PALM2AKAP2: variants seen among roughly 807,000 people sequenced by gnomAD.
PALM2AKAP2 encodes PALM2-AKAP2 fusion protein.
PALM2AKAP2 carries 37 observed loss-of-function variants against 71.5 expected under a neutral mutation model. The observed-to-expected ratio is 0.52, with a 90% CI of 0.40 to 0.68. The LOEUF (loss-of-function observed/expected upper bound fraction) is 0.68, where lower values mean the gene tolerates loss of function less well. PALM2AKAP2 is among the 30% of genes least tolerant of loss of function. The pLI is 0.00. For synonymous variants in PALM2AKAP2, 468 were observed against 478.8 expected, an observed-to-expected ratio of 0.98 and a Z score of 0.29; for missense variants, 1,224 against 1,191.8, an observed-to-expected ratio of 1.03 and a Z score of -0.40.
At chr9:109,912,732 A>G (rs80096451) in intron 3 of PALM2AKAP2, among the ~76,000 whole-genome samples, 6,489 of 152,270 alleles carry the variant, frequency 0.043, 266 homozygotes, top group East Asian at 0.16. Context: ...AGACAGACAG[A>G]CAGACAGATA....
intron 1 of PALM2AKAP2, among the ~76,000 whole-genome samples, chr9:109,808,842 T>C (rs1235795245): frequency 6.6e-6 from 1 of 152,256 alleles, no homozygotes; most frequent in Non-Finnish European, 1.5e-5. Flanking sequence ...TCTTGAGACT[T>C]GGTGCCCTGT....
chr9:109,718,006 GC>G (rs1418461726), intron 1 of PALM2AKAP2, among the ~76,000 whole-genome samples: 1 of 152,156 alleles, frequency 6.6e-6, no homozygotes, highest in African/African-American at 2.4e-5. Context: ...ACTTATGTAG[GC>G]CTTTTTGACT....
rs1449724557 is a variant in PALM2AKAP2 at position 109,943,049 on chromosome 9, C to A, written c.496+11021C>A. ...CATAAGTCTAGGAAAGACCATTCTT[C>A]CGGGAACCCAGGGCAGCAGGCCCAA... On this transcript the variant is annotated intron_variant, in intron 6 of 9. Transcript: ENST00000302798. The A allele has an allele frequency of 3.1e-6, 5 of 1,614,112 alleles. No individual in the cohort carries two copies. The African/African-American group carries it at 5.3e-5, about 17-fold the overall frequency.
At chr9:109,784,947 C>A (rs1040123186) in intron 1 of PALM2AKAP2, among the ~76,000 whole-genome samples, 1 of 152,128 alleles carries the variant, frequency 6.6e-6, no homozygotes, top group African/African-American at 2.4e-5. Context: ...ATAGAAATAC[C>A]CAACATAAAA....
At chr9:109,938,646 C>G (rs1428472220) in intron 6 of PALM2AKAP2, among the ~76,000 whole-genome samples, 1 of 152,148 alleles carries the variant, frequency 6.6e-6, no homozygotes, top group Non-Finnish European at 1.5e-5. Flanking sequence ...AGAGCCATAT[C>G]ACATTTAAAG....
intron 1 of PALM2AKAP2, among the ~76,000 whole-genome samples, chr9:109,682,777 C>A (rs1827755403): frequency 1.3e-5 from 2 of 152,198 alleles, no homozygotes; most frequent in Admixed American, 6.5e-5. Flanking sequence ...AGCATCCTTT[C>A]CTCTCCTTTG....
At chr9:110,163,888 T>C (rs1440338519) in intron 3 of PALM2AKAP2, among the ~76,000 whole-genome samples, 2 of 152,230 alleles carry the variant, frequency 1.3e-5, no homozygotes, top group Non-Finnish European at 2.9e-5. Flanking sequence ...AACCTGTCTC[T>C]ATATTTAGGA....
rs1439018352 is a variant in PALM2AKAP2 at position 110,025,134 on chromosome 9, T to G, written c.582+9095T>G. 7 of 1,305,224 alleles carry G rather than the reference T, an allele frequency of 5.4e-6. No homozygotes were observed. The African/African-American group carries it at 5.8e-5, about 11-fold the overall frequency. The allele number at this position is 1,305,224 out of a possible 1,614,324, so 80.9% of individuals were successfully genotyped here. On this transcript the variant is annotated intron_variant, in intron 7 of 9. Transcript: ENST00000302798. ...GAATCTTGCCCTTAACTTGTTTGTT[T>G]ACAATACCAACAGCATGCTGGGTAA...
At position 109,692,674 on chromosome 9, in the gene PALM2AKAP2, T is replaced by C. The variant is rs149179982; in HGVS notation, c.5+51808T>C. On this transcript the variant is annotated intron_variant, in intron 1 of 6. Transcript: ENST00000374531. ...ATTTAATTTTGTCAAATGGTTTTTC[T>C]GCACCTGTTGGTATTACTATATGGT... Among the ~76,000 whole-genome samples the C allele has an allele frequency of 5.9e-5, 9 of 152,172 alleles. 1 individual carries two copies. In the East Asian group the frequency reaches 1.3e-3, roughly 23 times the overall value.
chr9:110,065,853 T>C (rs1834067990), intron 1 of PALM2AKAP2, among the ~76,000 whole-genome samples: 2 of 152,170 alleles, frequency 1.3e-5, no homozygotes, highest in Non-Finnish European at 2.9e-5. Context: ...ATGTCCTCAA[T>C]GTTTATCCAT....
intron 1 of PALM2AKAP2, among the ~76,000 whole-genome samples, chr9:109,796,040 C>T (rs1817995207): frequency 6.6e-6 from 1 of 152,236 alleles, no homozygotes; most frequent in Non-Finnish European, 1.5e-5. Context: ...CCATTATCTA[C>T]TCTCCGCCTG....
At position 109,939,315 on chromosome 9, in the gene PALM2AKAP2, G is replaced by A. The variant is rs1333745608; in HGVS notation, c.496+7287G>A. 3.3e-5 allele frequency among the ~76,000 whole-genome samples: 5 copies of A among 152,110 alleles called. No homozygotes were observed. In the South Asian group the frequency reaches 1.0e-3, roughly 32 times the overall value. On this transcript the variant is annotated intron_variant, in intron 6 of 9. Transcript: ENST00000302798. ...CTTCCAGGCTCTGATTCTAGAACAG[G>A]CAAAGATTAAAATGACAGAAAATTG... is the stretch of plus-strand genomic sequence containing the variant.
At chr9:109,822,747 G>T (rs1411726037) in intron 1 of PALM2AKAP2, among the ~76,000 whole-genome samples, 1 of 152,148 alleles carries the variant, frequency 6.6e-6, no homozygotes, top group Non-Finnish European at 1.5e-5. Context: ...CGGTGTATAT[G>T]TACCACATTG....
chr9:109,678,040 G>C (rs548983799), intron 1 of PALM2AKAP2, among the ~76,000 whole-genome samples: 32 of 152,260 alleles, frequency 2.1e-4, no homozygotes, highest in Admixed American at 3.9e-4. Context: ...GAGCAAGGAG[G>C]GGGGAAAACA....
intron 3 of PALM2AKAP2, among the ~76,000 whole-genome samples, chr9:110,162,365 G>A (rs1836623256): frequency 6.6e-6 from 1 of 152,188 alleles, no homozygotes; most frequent in African/African-American, 2.4e-5. Flanking sequence ...GGGCGAGTGG[G>A]AGGGTACTGG....
intron 1 of PALM2AKAP2, among the ~76,000 whole-genome samples, chr9:109,830,295 G>A (rs12551286): frequency 0.091 from 13,860 of 152,220 alleles, 767 homozygotes; most frequent in Admixed American, 0.16. Flanking sequence ...CTTTCTTAGA[G>A]AGACACAAAA....
intron 1 of PALM2AKAP2, among the ~76,000 whole-genome samples, chr9:109,835,208 GGAGGGTGTAGGGAAAGAGGA>G (rs1564171128): frequency 7.9e-6 from 1 of 126,176 alleles, no homozygotes; most frequent in Non-Finnish European, 1.8e-5. Context: ...GGGAAAGAGG[GGAGGGTGTAGGGAAAGAGGA>G]GAGGGTTTAG....
At chr9:109,980,304 A>C (rs943172122) in intron 6 of PALM2AKAP2, among the ~76,000 whole-genome samples, 1 of 152,112 alleles carries the variant, frequency 6.6e-6, no homozygotes, top group Non-Finnish European at 1.5e-5. Flanking sequence ...GCTGATCTCA[A>C]CCTTGCCTGC....
chr9:110,157,811 A>G (rs1214900205), intron 3 of PALM2AKAP2, among the ~76,000 whole-genome samples: 2 of 152,204 alleles, frequency 1.3e-5, no homozygotes, highest in Non-Finnish European at 2.9e-5. Context: ...ATTGCCTTTT[A>G]TATCCTAGCT....
Sources: gnomAD v4.1 joint callset for allele counts (sites outside exome capture counted in the v4.1 genomes callset) on GRCh38, gnomAD v4.1.1 for gene constraint, MANE v1.5 for transcripts, NCBI Gene and HGNC (gene_info 2026-07-23, HGNC 2026-07-21) for gene names.